The following SNAP23 variants were observed in gnomAD, a reference collection of about 807,000 sequenced individuals.
SNAP23 encodes synaptosome associated protein 23, also known as synaptosomal-associated protein 23.
SNAP23 carries 11 observed loss-of-function variants against 29.0 expected under a neutral mutation model. The ratio of observed to expected loss-of-function variants is 0.38; its 90% CI spans 0.24 to 0.63. The LOEUF is 0.63. Ranked by LOEUF, SNAP23 falls within the 20% of genes least tolerant of loss-of-function variation. The pLI is 0.58. For synonymous variants in SNAP23, 60 were observed against 82.9 expected (o/e 0.72, Z 1.50); for missense variants, 220 against 253.9 (o/e 0.87, Z 0.91).
chr15:42,528,347 C>G lies in SNAP23; in HGVS notation c.352C>G (p.Gln118Glu). The G allele has an allele frequency of 6.2e-7, 1 of 1,614,132 alleles. No homozygotes were observed. The part of the protein sequence containing the change: ...ENSPCNVVSK[Q>E]PGPVTNGQLQ... The stretch of plus-strand genomic sequence containing the variant: ...CTCACCTTGCAATGTAGTATCTAAA[C>G]AGCCAGGCCCGGTGACAAATGGTCA... Residue 118 changes from glutamine (Q) to glutamate (E), a missense_variant, in exon 6 of 8, where the codon CAG (glutamine) becomes GAG (glutamate). Coordinates refer to ENST00000249647, the MANE Select transcript of SNAP23 (RefSeq NM_003825.4).
intron 1 of SNAP23, among the ~76,000 whole-genome samples, chr15:42,496,208 G>A (rs976385103): frequency 6.6e-6 from 1 of 152,118 alleles, no homozygotes; most frequent in Admixed American, 6.6e-5. Context: ...GTGGTGGGGG[G>A]AAAAAGTACT....
At chr15:42,505,549 C>A (rs1379232571) in intron 1 of SNAP23, 6 of 147,466 alleles carry the variant, frequency 4.1e-5, no homozygotes, top group Admixed American at 1.4e-4. Context: ...TACTTCCTTT[C>A]TGCTTGCATT....
At chr15:42,525,026 C>T (rs1474218177) in intron 5 of SNAP23, among the ~76,000 whole-genome samples, 3 of 152,084 alleles carry the variant, frequency 2.0e-5, no homozygotes, top group African/African-American at 7.2e-5. Context: ...GTTTTTTTCC[C>T]CATCCCATTT....
chr15:42,531,090 CTT>C (rs2057560398), intron 7 of SNAP23, among the ~76,000 whole-genome samples: 1 of 152,148 alleles, frequency 6.6e-6, no homozygotes, highest in Non-Finnish European at 1.5e-5. Flanking sequence ...GAAGAGCACT[CTT>C]TCATATTTCA....
intron 1 of SNAP23, among the ~76,000 whole-genome samples, chr15:42,509,440 CTT>C (rs34486893): frequency 2.2e-4 from 29 of 133,966 alleles, no homozygotes; most frequent in Non-Finnish European, 2.4e-4. Context: ...GGCTCAAAAT[CTT>C]TTTTTTTTTT....
chr15:42,506,380 G>A (rs529722370), intron 1 of SNAP23, among the ~76,000 whole-genome samples: 1 of 152,304 alleles, frequency 6.6e-6, no homozygotes, highest in Non-Finnish European at 1.5e-5. Context: ...TGGGACTACA[G>A]GCACTGGTCA....
intron 1 of SNAP23, among the ~76,000 whole-genome samples, chr15:42,508,304 G>A (rs908974206): frequency 2.0e-5 from 3 of 151,688 alleles, no homozygotes; most frequent in African/African-American, 7.3e-5. Context: ...AGAAAATACG[G>A]TATTCATACA....
At position 42,532,348 on chromosome 15, in the gene SNAP23, G is replaced by T. The variant is rs2057574367; in HGVS notation, c.*870G>T. On this transcript the variant is annotated 3_prime_UTR_variant, in exon 8 of 8. Transcript: ENST00000249647. ...GATCCACCCGCCTTGGCCTCCCAAAGTACTGGGATTACAGGCGTGAGCCAC... is the reference window on the plus strand; with the variant it reads ...GATCCACCCGCCTTGGCCTCCCAAATTACTGGGATTACAGGCGTGAGCCAC... The T allele has an allele frequency of 6.6e-6, 1 of 152,214 alleles. No individual in the cohort carries two copies. Among genetic ancestry groups the T allele is most frequent in the South Asian group, 2.1e-4 (1 of 4,838 alleles). The allele number at this position is 152,214 out of a possible 1,614,324, so 9.4% of individuals were successfully genotyped here.
chr15:42,528,753 T>G (rs993979050), intron 6 of SNAP23, among the ~76,000 whole-genome samples: 42 of 152,118 alleles, frequency 2.8e-4, no homozygotes, highest in African/African-American at 9.9e-4. Flanking sequence ...GCCCAGCTAA[T>G]TTTTGTATTT....
intron 1 of SNAP23, among the ~76,000 whole-genome samples, chr15:42,501,202 C>G (rs891428534): frequency 2.0e-5 from 3 of 152,142 alleles, no homozygotes; most frequent in Non-Finnish European, 2.9e-5. Context: ...CAAAGCTCTT[C>G]ACAATATGTG....
At chr15:42,514,758 A>C (rs1223824484) in intron 4 of SNAP23, among the ~76,000 whole-genome samples, 2 of 143,080 alleles carry the variant, frequency 1.4e-5, no homozygotes, top group Non-Finnish European at 3.0e-5. Flanking sequence ...GCTGGAGTTC[A>C]GTGGTGCAAT....
intron 5 of SNAP23, among the ~76,000 whole-genome samples, chr15:42,523,804 T>C (rs1439355896): frequency 6.7e-6 from 1 of 149,102 alleles, no homozygotes; most frequent in African/African-American, 2.6e-5. Flanking sequence ...TTGTTTTTTG[T>C]TTTTTGTTTG....
intron 1 of SNAP23, among the ~76,000 whole-genome samples, chr15:42,501,315 ATAATT>A (rs1284979095): frequency 5.3e-5 from 8 of 152,056 alleles, no homozygotes. Context: ...TTCCTTTTTG[ATAATT>A]TAATTTAAAA....
At chr15:42,525,166 G>A (rs1261825183) in intron 5 of SNAP23, among the ~76,000 whole-genome samples, 1 of 152,050 alleles carries the variant, frequency 6.6e-6, no homozygotes, top group African/African-American at 2.4e-5. Flanking sequence ...AGGAGATCGA[G>A]ACCATCCCTG....
chr15:42,500,966 G>A (rs2057264715), intron 1 of SNAP23, among the ~76,000 whole-genome samples: 1 of 152,068 alleles, frequency 6.6e-6, no homozygotes, highest in Admixed American at 6.6e-5. Flanking sequence ...TGTAAGTTCT[G>A]TAACTTAGAT....
rs578230609 is a variant in SNAP23, at chr15:42,519,772, G to T, written c.266+4418G>T. ...CCCACATTGGCCTCCCAAAGTGCTGGTATTACAGAAATGAGCCACCACACG... is the reference window on the plus strand; with the variant it reads ...CCCACATTGGCCTCCCAAAGTGCTGTTATTACAGAAATGAGCCACCACACG... On this transcript the variant is annotated intron_variant, in intron 5 of 7. Transcript: ENST00000249647. Among the ~76,000 whole-genome samples the T allele has an allele frequency of 2.0e-5, 3 of 152,116 alleles. No individual in the cohort carries two copies. In the South Asian group the frequency reaches 6.2e-4, roughly 32 times the overall value.
chr15:42,500,831 C>T (rs1424914362), intron 1 of SNAP23, among the ~76,000 whole-genome samples: 1 of 151,858 alleles, frequency 6.6e-6, no homozygotes, highest in Non-Finnish European at 1.5e-5. Context: ...TAGAAGAAGC[C>T]CATTTGTATT....
chr15:42,497,323 C>T (rs1222055765), intron 1 of SNAP23, among the ~76,000 whole-genome samples: 2 of 151,742 alleles, frequency 1.3e-5, no homozygotes, highest in Middle Eastern at 3.4e-3. Context: ...ATTCTTCTGC[C>T]TCAACGTCCC....
At chr15:42,529,909 G>A in intron 7 of SNAP23, 90 bp downstream of exon 7, 1 of 1,394,504 alleles carries the variant, frequency 7.2e-7, no homozygotes, top group Non-Finnish European at 9.8e-7. Flanking sequence ...GGGGGACACG[G>A]TAGAATAAGC....
Sources: allele counts gnomAD v4.1 joint callset (sites outside exome capture counted in the v4.1 genomes callset), GRCh38; gene constraint gnomAD v4.1.1; transcripts MANE v1.5; gene names NCBI Gene and HGNC (gene_info 2026-07-23, HGNC 2026-07-21).